SRGAP3: variants seen among roughly 807,000 people sequenced by gnomAD.
The protein encoded by SRGAP3 is SLIT-ROBO Rho GTPase activating protein 3, also known as SLIT-ROBO Rho GTPase-activating protein 3.
SRGAP3 carries 39 observed loss-of-function variants against 121.1 expected under a neutral mutation model. The ratio of observed to expected loss-of-function variants is 0.32; its 90% CI spans 0.25 to 0.42. The LOEUF is 0.42. Among genes scored for constraint, SRGAP3 ranks in the 10% least tolerant of loss-of-function variants. SRGAP3 has a pLI of 1.00. For synonymous variants in SRGAP3, 601 were observed against 570.0 expected, an observed-to-expected ratio of 1.05 and a Z score of -0.77; for missense variants, 1,213 against 1,470.6, an observed-to-expected ratio of 0.82 and a Z score of 2.86.
intron 1 of SRGAP3, among the ~76,000 whole-genome samples, chr3:9,198,281 T>C (rs1462297437): frequency 6.6e-6 from 1 of 152,262 alleles, no homozygotes; most frequent in Non-Finnish European, 1.5e-5. Context: ...AGTATTTATT[T>C]AATGTTTGTC....
intron 1 of SRGAP3, among the ~76,000 whole-genome samples, chr3:9,166,901 A>G (rs1051475973): frequency 6.6e-6 from 1 of 152,020 alleles, no homozygotes; most frequent in Non-Finnish European, 1.5e-5. Flanking sequence ...GAACTTACTC[A>G]TATGGCCCCA....
chr3:9,317,361 G>A (rs1238462589), intron 3 of SRGAP3, among the ~76,000 whole-genome samples: 1 of 152,180 alleles, frequency 6.6e-6, no homozygotes, highest in African/African-American at 2.4e-5. Context: ...CCGGCTCCAT[G>A]AAGATTTGGT....
intron 17 of SRGAP3, among the ~76,000 whole-genome samples, chr3:9,010,793 C>G (rs1943329492): frequency 2.0e-5 from 3 of 152,322 alleles, no homozygotes; most frequent in Non-Finnish European, 4.4e-5. Context: ...ACTCTCTTGT[C>G]TTATAGCTGA....
intron 4 of SRGAP3, among the ~76,000 whole-genome samples, chr3:9,068,963 A>G (rs895672701): frequency 1.3e-5 from 2 of 152,258 alleles, no homozygotes; most frequent in East Asian, 1.9e-4. Context: ...TTATTTCTCA[A>G]AAAAACCCTA....
intron 1 of SRGAP3, among the ~76,000 whole-genome samples, chr3:9,169,508 T>A (rs1338466012): frequency 6.6e-6 from 1 of 152,198 alleles, no homozygotes. Context: ...GAGTTACATG[T>A]CATTGCATGT....
chr3:9,066,431 C>T (rs891497149), intron 4 of SRGAP3, among the ~76,000 whole-genome samples: 1 of 152,200 alleles, frequency 6.6e-6, no homozygotes, highest in Admixed American at 6.5e-5. Context: ...TCCTGGCCAA[C>T]CCTAAAATCT....
At chr3:9,319,551 C>T (rs568017259) in intron 3 of SRGAP3, among the ~76,000 whole-genome samples, 1 of 151,896 alleles carries the variant, frequency 6.6e-6, no homozygotes, top group Non-Finnish European at 1.5e-5. Context: ...TATGTAAACA[C>T]CAGGGACTAA....
At chr3:9,160,261 C>T (rs1037979782) in intron 1 of SRGAP3, among the ~76,000 whole-genome samples, 1 of 152,192 alleles carries the variant, frequency 6.6e-6, no homozygotes. Flanking sequence ...GCATCCTTCA[C>T]CTCCCCCTAA....
At chr3:9,011,469 A>G (rs1943372657) in intron 17 of SRGAP3, among the ~76,000 whole-genome samples, 1 of 152,144 alleles carries the variant, frequency 6.6e-6, no homozygotes, top group Non-Finnish European at 1.5e-5. Context: ...TTCCCCTGTC[A>G]CACATGCTAT....
At chr3:9,057,362 T>C (rs572816122) in intron 7 of SRGAP3, among the ~76,000 whole-genome samples, 74 of 152,304 alleles carry the variant, frequency 4.9e-4, no homozygotes, top group Middle Eastern at 3.4e-3. Flanking sequence ...TTGCTACTAA[T>C]TGCACAACCC....
intron 1 of SRGAP3, among the ~76,000 whole-genome samples, chr3:9,144,836 T>C (rs1245082061): frequency 6.6e-6 from 1 of 152,238 alleles, no homozygotes; most frequent in Non-Finnish European, 1.5e-5. Context: ...AACTGTGGTA[T>C]ACTCACGTTT....
intron 1 of SRGAP3, among the ~76,000 whole-genome samples, chr3:9,342,610 T>G (rs566504031): frequency 6.6e-6 from 1 of 152,218 alleles, no homozygotes. Flanking sequence ...TGTTATACCA[T>G]GGGTGGGCCT....
chr3:9,349,073 G>A (rs1412506104), intron 1 of SRGAP3: 3 of 949,482 alleles, frequency 3.2e-6, no homozygotes, highest in South Asian at 1.3e-5. Context: ...CCTGCCCACT[G>A]GTATTCCCGT....
chr3:9,029,273 A>G (rs932256750), intron 12 of SRGAP3, among the ~76,000 whole-genome samples: 1 of 152,216 alleles, frequency 6.6e-6, no homozygotes, highest in African/African-American at 2.4e-5. Context: ...TCACAAACTC[A>G]TGAAGTAGGT....
rs1263641017 is a variant in SRGAP3 at position 9,218,247 on chromosome 3, C to G, written c.67+30638G>C. 2.0e-5 allele frequency: 3 copies of G among 152,154 alleles called. No individual in the cohort carries two copies. Among genetic ancestry groups the G allele is most frequent in the Non-Finnish European group, 4.4e-5 (3 of 68,022 alleles). 9.4% of individuals were successfully genotyped at this position (152,154 alleles called of 1,614,324 possible). ...CCACAGCTGGGCCAGCCAGATTGGT[C>G]AAATCCACCCTAGAAATGAATTAGG... On this transcript the variant is annotated intron_variant, in intron 1 of 21. Coordinates refer to ENST00000383836, the MANE Select transcript of SRGAP3 (RefSeq NM_014850.4). The surrounding 1 kb of genome is among the most constrained non-coding windows in gnomAD (Gnocchi z 5.3).
intron 1 of SRGAP3, among the ~76,000 whole-genome samples, chr3:9,136,900 A>G (rs1949685132): frequency 6.6e-6 from 1 of 152,172 alleles, no homozygotes; most frequent in Non-Finnish European, 1.5e-5. Context: ...CTGAGTTCAG[A>G]GCCTGACCTT....
At chr3:9,047,335 G>A (rs191892590) in intron 10 of SRGAP3, 56 bp downstream of exon 10, 116 of 1,574,750 alleles carry the variant, frequency 7.4e-5, no homozygotes, top group Non-Finnish European at 3.6e-5. Context: ...GGGGGCCACA[G>A]TGAGAGCCAG....
intron 2 of SRGAP3, among the ~76,000 whole-genome samples, chr3:9,118,606 A>G (rs765548505): frequency 6.6e-5 from 10 of 152,206 alleles, no homozygotes; most frequent in Non-Finnish European, 1.0e-4. Flanking sequence ...AAAACCATTT[A>G]TTCCCCAGAA....
intron 2 of SRGAP3, among the ~76,000 whole-genome samples, chr3:9,106,167 T>C (rs1343669458): frequency 6.6e-6 from 1 of 152,238 alleles, no homozygotes; most frequent in Non-Finnish European, 1.5e-5. Flanking sequence ...AAAGGGTGGA[T>C]ACACCCTGTT....
Sources: gnomAD v4.1 joint callset for allele counts (sites outside exome capture counted in the v4.1 genomes callset) on GRCh38, gnomAD v4.1.1 for gene constraint, Gnocchi (gnomAD v3.1) non-coding constraint, MANE v1.5 for transcripts, NCBI Gene and HGNC (gene_info 2026-07-23, HGNC 2026-07-21) for gene names.